Variants in UST observed in about 807,000 individuals in gnomAD.
UST encodes the protein chondroitin sulfate 2-O-sulfotransferase.
UST carries 21 observed loss-of-function variants against 45.6 expected under a neutral mutation model. That is an observed-to-expected ratio of 0.46 (90% CI 0.33 to 0.66). The LOEUF (loss-of-function observed/expected upper bound fraction) is 0.66, where lower values mean the gene tolerates loss of function less well. Ranked by LOEUF, UST falls within the 30% of genes least tolerant of loss-of-function variation. UST has a pLI of 0.02. For missense variants in UST, 463 were observed against 512.4 expected (o/e 0.90, Z 0.93); for synonymous variants, 215 against 200.6 (o/e 1.07, Z -0.61).
chr6:148,785,608 T>C (rs1463986071), intron 1 of UST, among the ~76,000 whole-genome samples: 1 of 152,228 alleles, frequency 6.6e-6, no homozygotes, highest in Admixed American at 6.5e-5. Context: ...TTCTGGATAA[T>C]AGAAGTATAG....
intron 1 of UST, among the ~76,000 whole-genome samples, chr6:148,880,625 C>G (rs1778805816): frequency 6.6e-6 from 1 of 152,178 alleles, no homozygotes; most frequent in South Asian, 2.1e-4. Context: ...TACAACCTCC[C>G]TGGGAGGGCT....
chr6:148,886,023 C>T (rs895377068), intron 1 of UST, among the ~76,000 whole-genome samples: 2 of 152,196 alleles, frequency 1.3e-5, no homozygotes, highest in East Asian at 3.8e-4. Flanking sequence ...TAGGCGCCTT[C>T]GATTATACTG....
intron 7 of UST, among the ~76,000 whole-genome samples, chr6:149,061,772 T>G (rs531901428): frequency 6.6e-6 from 1 of 152,356 alleles, no homozygotes; most frequent in African/African-American, 2.4e-5. Flanking sequence ...CACCAGGAAG[T>G]GTTCAAGACT....
chr6:148,822,750 GTTAA>G (rs1224400347), intron 1 of UST, among the ~76,000 whole-genome samples: 2 of 152,216 alleles, frequency 1.3e-5, no homozygotes, highest in African/African-American at 4.8e-5. Flanking sequence ...GTGAAGCATA[GTTAA>G]TAAGGATAAA....
intron 4 of UST, among the ~76,000 whole-genome samples, chr6:148,956,338 T>G (rs928790085): frequency 2.6e-5 from 4 of 151,852 alleles, no homozygotes. Flanking sequence ...GGCCTCAGAA[T>G]CATGGCAGGA....
rs191565524 is a variant in UST, at chr6:148,986,536, G to A, written c.681+21973G>A. 7.2e-4 allele frequency among the ~76,000 whole-genome samples: 109 copies of A among 152,284 alleles called. 2 individuals are homozygous for A. In the East Asian group the frequency reaches 0.02, roughly 28 times the overall value. On this transcript the variant is annotated intron_variant, in intron 5 of 7. Coordinates refer to ENST00000367463, the MANE Select transcript of UST (RefSeq NM_005715.3). ...GGCCATATAGGAGTATTTACAGCATGGAAATCTGCATATGCTACACATCAG... is the reference window on the plus strand; with the variant it reads ...GGCCATATAGGAGTATTTACAGCATAGAAATCTGCATATGCTACACATCAG...
In UST at chr6:148,975,633, C is replaced by A. The variant is rs1781001454; in HGVS notation, c.681+11070C>A. On this transcript the variant is annotated intron_variant, in intron 5 of 7. Coordinates refer to ENST00000367463, the MANE Select transcript of UST (RefSeq NM_005715.3). ...ATTATTTGATCAAAGAGCCTCACAACTGCATGTGAATTTACAGTTATCTCA... is the reference window on the plus strand; with the variant it reads ...ATTATTTGATCAAAGAGCCTCACAAATGCATGTGAATTTACAGTTATCTCA... 2.0e-5 allele frequency among the ~76,000 whole-genome samples: 3 copies of A among 152,166 alleles called. No individual in the cohort carries two copies. The South Asian group carries it at 6.2e-4, about 32-fold the overall frequency.
intron 1 of UST, among the ~76,000 whole-genome samples, chr6:148,877,608 G>GGGA (rs1778704441): frequency 7.1e-6 from 1 of 141,738 alleles, no homozygotes. Flanking sequence ...GTATGAGTGG[G>GGGA]TCGTGTATGA....
chr6:148,820,813 A>G (rs182217168), intron 1 of UST, among the ~76,000 whole-genome samples: 2,880 of 147,732 alleles, frequency 0.019, 94 homozygotes, highest in African/African-American at 0.058. Context: ...AGATCGCACC[A>G]CTGCACTCCA....
chr6:148,923,680 G>A (rs898850462), intron 2 of UST, among the ~76,000 whole-genome samples: 1 of 152,204 alleles, frequency 6.6e-6, no homozygotes, highest in Non-Finnish European at 1.5e-5. Flanking sequence ...GCCGAGGCGG[G>A]TGGATCACAA....
intron 1 of UST, among the ~76,000 whole-genome samples, chr6:148,881,351 A>G (rs1213926908): frequency 6.6e-6 from 1 of 152,146 alleles, no homozygotes; most frequent in Non-Finnish European, 1.5e-5. Flanking sequence ...TTGACAAGAC[A>G]CTGTAATTCA....
chr6:148,916,709 A>C (rs79559147), intron 2 of UST, among the ~76,000 whole-genome samples: 28,167 of 151,826 alleles, frequency 0.19, 2,939 homozygotes, highest in East Asian at 0.42. Context: ...CTGAAACTGA[A>C]CCCTGCCCCC....
At chr6:148,980,794 G>T (rs183978035) in intron 5 of UST, among the ~76,000 whole-genome samples, 1 of 151,844 alleles carries the variant, frequency 6.6e-6, no homozygotes, top group Non-Finnish European at 1.5e-5. Context: ...ATCTCAGCTC[G>T]CTGCAGCCTC....
chr6:148,762,381 G>A (rs1401970927), intron 1 of UST, among the ~76,000 whole-genome samples: 1 of 152,130 alleles, frequency 6.6e-6, no homozygotes, highest in African/African-American at 2.4e-5. Context: ...TTTTATGCAA[G>A]GGTCTTGAAA....
Position 149,073,981 on chromosome 6 carries a change from T to C in UST, c.1086T>C (p.Phe362=). Residue 362 remains phenylalanine, a synonymous_variant, in exon 8 of 8, where the codon TTT becomes TTC. Coordinates refer to ENST00000367463, the MANE Select transcript of UST (RefSeq NM_005715.3). Reference sequence around the variant, plus strand: ...AGTTCCACCTGCTGAAGCGCAAGTTTGGACTTAAGTCTCACGTCAGCAAGC... The same window carrying C: ...AGTTCCACCTGCTGAAGCGCAAGTTCGGACTTAAGTCTCACGTCAGCAAGC... ...KEQFHLLKRK[F]GLKSHVSKPP... The C allele has an allele frequency of 6.2e-7, 1 of 1,614,210 alleles. No homozygotes were observed. The highest frequency in any genetic ancestry group is 8.5e-7 in the Non-Finnish European group (1 of 1,180,020).
chr6:148,901,903 G>A (rs529376337), intron 2 of UST, among the ~76,000 whole-genome samples: 6 of 152,182 alleles, frequency 3.9e-5, no homozygotes, highest in Admixed American at 1.3e-4. Flanking sequence ...AGAACTTGTC[G>A]CAAGGCCCCA....
At chr6:148,884,132 CA>C (rs35086035) in intron 1 of UST, among the ~76,000 whole-genome samples, 1,361 of 94,810 alleles carry the variant, frequency 0.014, 9 homozygotes, top group African/African-American at 0.024. Context: ...GACACCGTCT[CA>C]AAAAAAAAAA....
chr6:148,944,893 A>AT (rs34962047), intron 3 of UST, among the ~76,000 whole-genome samples: 23,385 of 152,020 alleles, frequency 0.15, 1,980 homozygotes, highest in Admixed American at 0.2. Flanking sequence ...AAAATAGGGA[A>AT]TTTTTTTCCC....
At chr6:148,767,648 G>A (rs1310738178) in intron 1 of UST, among the ~76,000 whole-genome samples, 1 of 152,008 alleles carries the variant, frequency 6.6e-6, no homozygotes, top group Non-Finnish European at 1.5e-5. Flanking sequence ...TAATTAGAAT[G>A]ACTCTGTGTA....
Sources: allele counts gnomAD v4.1 joint callset (sites outside exome capture counted in the v4.1 genomes callset), GRCh38; gene constraint gnomAD v4.1.1; transcripts MANE v1.5; gene names NCBI Gene and HGNC (gene_info 2026-07-23, HGNC 2026-07-21).